The following PTPRT variants were observed in gnomAD, a reference collection of about 807,000 sequenced individuals.
PTPRT encodes the protein receptor-type tyrosine-protein phosphatase T.
A neutral mutation model predicts 176.8 loss-of-function variants in PTPRT; 56 were observed. The observed-to-expected ratio is 0.32, with a 90% CI of 0.26 to 0.40. The LOEUF is 0.40. PTPRT is among the 10% of genes least tolerant of loss of function. PTPRT has a pLI of 1.00. For synonymous variants in PTPRT, 783 were observed against 739.0 expected (o/e 1.06, Z -0.96); for missense variants, 1,540 against 1,908.2 (o/e 0.81, Z 3.60).
chr20:42,133,091 A>G (rs1198467417), intron 18 of PTPRT, among the ~76,000 whole-genome samples: 1 of 152,182 alleles, frequency 6.6e-6, no homozygotes, highest in Non-Finnish European at 1.5e-5. Context: ...TTTTTGGTAC[A>G]GTGTTCAATC....
chr20:42,582,946 A>G (rs2073402295), intron 7 of PTPRT, among the ~76,000 whole-genome samples: 1 of 152,166 alleles, frequency 6.6e-6, no homozygotes, highest in South Asian at 2.1e-4. Context: ...TCAGGCCAGG[A>G]AAGAGAGATG....
chr20:42,700,254 G>A (rs1324924642), intron 6 of PTPRT, among the ~76,000 whole-genome samples: 1 of 151,994 alleles, frequency 6.6e-6, no homozygotes, highest in East Asian at 1.9e-4. Flanking sequence ...TGCCCTTCTC[G>A]CCTGAGCTCT....
intron 2 of PTPRT, among the ~76,000 whole-genome samples, chr20:42,876,290 T>A (rs1027822614): frequency 6.6e-6 from 1 of 152,128 alleles, no homozygotes; most frequent in African/African-American, 2.4e-5. Flanking sequence ...TAATATCAGG[T>A]GTGATTAAGG....
intron 7 of PTPRT, among the ~76,000 whole-genome samples, chr20:42,475,858 GC>G (rs1217915851): frequency 2.6e-5 from 4 of 152,158 alleles, no homozygotes; most frequent in African/African-American, 9.7e-5. Flanking sequence ...TCGTGATCTT[GC>G]CACACAGCAA....
intron 21 of PTPRT, 46 bp from the exon 22 acceptor site, chr20:42,115,361 G>A (rs751612156): frequency 1.1e-5 from 16 of 1,411,490 alleles, no homozygotes; most frequent in African/African-American, 8.5e-5. Flanking sequence ...CAGAGACAAG[G>A]ATGCATAAGC....
intron 1 of PTPRT, among the ~76,000 whole-genome samples, chr20:43,049,735 A>G (rs1986975657): frequency 6.6e-6 from 1 of 152,180 alleles, no homozygotes; most frequent in South Asian, 2.1e-4. Context: ...TCCTGGGGGC[A>G]ACTGGCATCC....
intron 7 of PTPRT, among the ~76,000 whole-genome samples, chr20:42,610,190 A>C (rs562244131): frequency 3.3e-5 from 5 of 152,032 alleles, no homozygotes; most frequent in Admixed American, 2.0e-4. Flanking sequence ...AAATGGGGGG[A>C]AAAAAACCTG....
At chr20:43,045,562 T>C in intron 1 of PTPRT, among the ~76,000 whole-genome samples, 1 of 149,362 alleles carries the variant, frequency 6.7e-6, no homozygotes, top group Non-Finnish European at 1.5e-5. Flanking sequence ...CAAGTGATCC[T>C]CCTACCTCAG....
intron 8 of PTPRT, among the ~76,000 whole-genome samples, chr20:42,468,045 A>C (rs979795149): frequency 1.2e-4 from 19 of 152,238 alleles, no homozygotes; most frequent in African/African-American, 4.1e-4. Flanking sequence ...AAAAATAAAG[A>C]ATCTGTTTAG....
intron 6 of PTPRT, among the ~76,000 whole-genome samples, chr20:42,724,928 AC>A (rs1373976636): frequency 6.6e-6 from 1 of 151,692 alleles, no homozygotes; most frequent in African/African-American, 2.4e-5. Context: ...AAAATCCTTA[AC>A]TCCATCATAC....
At chr20:42,454,080 G>C (rs1601055524) in intron 8 of PTPRT, among the ~76,000 whole-genome samples, 2 of 152,040 alleles carry the variant, frequency 1.3e-5, no homozygotes, top group African/African-American at 4.8e-5. Flanking sequence ...ATATCATTTA[G>C]TTTTTCTTGG....
chr20:42,676,812 T>C (rs2146058791), intron 7 of PTPRT, among the ~76,000 whole-genome samples: 1 of 152,330 alleles, frequency 6.6e-6, no homozygotes, highest in South Asian at 2.1e-4. Flanking sequence ...ATTTCTTGAG[T>C]TGCATCCAGA....
rs1023496120 is a variant in PTPRT at position 42,692,762 on chromosome 20, C to A, written c.860-14603G>T. On this transcript the variant is annotated intron_variant, in intron 6 of 30. Coordinates refer to ENST00000373187, the MANE Select transcript of PTPRT (RefSeq NM_007050.6). Reference sequence around the variant, plus strand: ...TGTGTGTAGAAAATTCTTTAAAAATCTCAAATTATGATAAAAATTAACAAG... The same window carrying A: ...TGTGTGTAGAAAATTCTTTAAAAATATCAAATTATGATAAAAATTAACAAG... Among the ~76,000 whole-genome samples the A allele has an allele frequency of 5.9e-5, 9 of 152,178 alleles. No homozygotes were observed. In the South Asian group the frequency reaches 8.3e-4, roughly 14 times the overall value.
chr20:43,062,187 T>G (rs1411833634), intron 1 of PTPRT, among the ~76,000 whole-genome samples: 1 of 152,212 alleles, frequency 6.6e-6, no homozygotes, highest in African/African-American at 2.4e-5. Context: ...GTATGCACAT[T>G]GGTCAAAACC....
At chr20:42,345,549 T>TAC (rs1182618155) in intron 11 of PTPRT, among the ~76,000 whole-genome samples, 10 of 141,128 alleles carry the variant, frequency 7.1e-5, no homozygotes, top group South Asian at 2.3e-4. Context: ...CTAGTTACTA[T>TAC]ACACACACAC....
At chr20:42,212,309 A>C (rs1052096658) in intron 15 of PTPRT, among the ~76,000 whole-genome samples, 1 of 91,136 alleles carries the variant, frequency 1.1e-5, no homozygotes, top group Non-Finnish European at 2.4e-5. Flanking sequence ...TATAAAAAAA[A>C]AAAAAAGACA....
At chr20:42,454,285 A>G (rs1007268289) in intron 8 of PTPRT, among the ~76,000 whole-genome samples, 8 of 152,142 alleles carry the variant, frequency 5.3e-5, no homozygotes, top group African/African-American at 1.9e-4. Flanking sequence ...GTTTCTTACA[A>G]TATAATTTAT....
intron 2 of PTPRT, among the ~76,000 whole-genome samples, chr20:42,802,713 A>G (rs1020749743): frequency 6.6e-6 from 1 of 152,202 alleles, no homozygotes; most frequent in East Asian, 1.9e-4. Context: ...CTTGTCCAAC[A>G]TTACAAGGGT....
intron 1 of PTPRT, among the ~76,000 whole-genome samples, chr20:43,183,773 T>C (rs2015323539): frequency 6.6e-6 from 1 of 152,254 alleles, no homozygotes; most frequent in Non-Finnish European, 1.5e-5. Context: ...TATCTGTGCA[T>C]CTCATAAAAT....
Sources: allele counts gnomAD v4.1 joint callset (sites outside exome capture counted in the v4.1 genomes callset), GRCh38; gene constraint gnomAD v4.1.1; transcripts MANE v1.5; gene names NCBI Gene and HGNC (gene_info 2026-07-23, HGNC 2026-07-21).